MRPL30: variants seen among roughly 807,000 people sequenced by gnomAD.
MRPL30 encodes mitochondrial ribosomal protein L30, also known as large ribosomal subunit protein uL30m.
A neutral mutation model predicts 17.2 loss-of-function variants in MRPL30; 10 were observed. The observed-to-expected ratio is 0.58, with a 90% CI of 0.36 to 0.99. The LOEUF (loss-of-function observed/expected upper bound fraction) is 0.99. MRPL30 is among the 50% of genes least tolerant of loss of function. MRPL30 has a pLI of 0.01. For synonymous variants in MRPL30, 61 were observed against 62.1 expected, an observed-to-expected ratio of 0.98 and a Z score of 0.08; for missense variants, 170 against 189.8, an observed-to-expected ratio of 0.90 and a Z score of 0.61.
intron 2 of MRPL30, 56 bp from the exon 3 acceptor site, chr2:99,188,121 A>G: frequency 3.1e-6 from 4 of 1,305,660 alleles, no homozygotes; most frequent in South Asian, 2.8e-5. Flanking sequence ...ATTGGTGGGT[A>G]TGGATTTCTC....
At position 99,196,301 on chromosome 2, in the gene MRPL30, ATTGTTG is replaced by A; in HGVS notation, c.*605_*610del. On this transcript the variant is annotated 3_prime_UTR_variant, in exon 6 of 6. Transcript: ENST00000338148. ...ACCATTTTATAAAAATTGCGTTAGT[ATTGTTG>A]TTGTTGTTTTTGAGACAGGGTCTTG... 1 of 153,002 alleles carries A rather than the reference ATTGTTG, an allele frequency of 6.5e-6. No homozygotes were observed. The highest frequency in any genetic ancestry group is 6.6e-5 in the Admixed American group (1 of 15,256). The allele number at this position is 153,002 out of a possible 1,614,324, so 9.5% of individuals were successfully genotyped here.
At chr2:99,182,307 G>C (rs1002614799) in intron 1 of MRPL30, among the ~76,000 whole-genome samples, 2 of 152,222 alleles carry the variant, frequency 1.3e-5, no homozygotes, top group Non-Finnish European at 2.9e-5. Flanking sequence ...TGTAATCTCA[G>C]CACTTTCGGA....
intron 3 of MRPL30, among the ~76,000 whole-genome samples, chr2:99,188,922 C>T (rs1422425653): frequency 6.6e-6 from 1 of 152,128 alleles, no homozygotes; most frequent in Non-Finnish European, 1.5e-5. Flanking sequence ...GCTGGTCTTG[C>T]ACTACTGATC....
intron 1 of MRPL30, among the ~76,000 whole-genome samples, chr2:99,183,687 A>C (rs2093929545): frequency 6.6e-6 from 1 of 152,236 alleles, no homozygotes; most frequent in Non-Finnish European, 1.5e-5. Flanking sequence ...GAAGTTGTGA[A>C]GATGGTATGG....
In MRPL30 at chr2:99,194,915, T is replaced by A. The variant is rs1366079330; in HGVS notation, c.279+18T>A. The A allele has an allele frequency of 6.5e-7, 1 of 1,547,620 alleles. No individual in the cohort carries two copies. The highest frequency in any genetic ancestry group is 2.3e-5 in the East Asian group (1 of 43,786). ...TAGAAAAAGTATGCAATTATTTTAATCATCTTTAGTGTTGTTTACATTGCT... is the reference window on the plus strand; with the variant it reads ...TAGAAAAAGTATGCAATTATTTTAAACATCTTTAGTGTTGTTTACATTGCT... On this transcript the variant is annotated intron_variant, in intron 4 of 5. Coordinates refer to ENST00000338148, the MANE Select transcript of MRPL30 (RefSeq NM_145212.4).
chr2:99,193,964 G>A (rs1354270403), intron 3 of MRPL30, among the ~76,000 whole-genome samples: 1 of 151,832 alleles, frequency 6.6e-6, no homozygotes, highest in East Asian at 1.9e-4. Context: ...CTTGAACCTT[G>A]GGGGCAGAGG....
At chr2:99,189,609 TAGA>T (rs2093940825) in intron 3 of MRPL30, among the ~76,000 whole-genome samples, 1 of 152,250 alleles carries the variant, frequency 6.6e-6, no homozygotes, top group African/African-American at 2.4e-5. Context: ...CATTCATGTA[TAGA>T]TTTTTGTGTG....
chr2:99,187,124 C>T (rs1452339590), intron 2 of MRPL30: 2 of 152,214 alleles, frequency 1.3e-5, no homozygotes, highest in Admixed American at 6.5e-5. Flanking sequence ...GAGTAAGTGT[C>T]TCATGTCTCA....
chr2:99,187,037 A>G (rs1419606730), intron 2 of MRPL30: 1 of 152,182 alleles, frequency 6.6e-6, no homozygotes, highest in Non-Finnish European at 1.5e-5. Flanking sequence ...CTTTGTATAT[A>G]TTACCTTAAC....
In MRPL30 at chr2:99,198,874, G is replaced by A. The variant is rs755364773; in HGVS notation, c.*3169G>A. ...CAACCCAAACACTACCTTTAAGGAC[G>A]ACTGCAGTTCTCTTAGGGTCTCCTC... On this transcript the variant is annotated 3_prime_UTR_variant, in exon 6 of 6. Coordinates refer to ENST00000338148, the MANE Select transcript of MRPL30 (RefSeq NM_145212.4). Among the ~76,000 whole-genome samples the A allele has an allele frequency of 1.3e-5, 2 of 152,090 alleles. No individual in the cohort carries two copies. The highest frequency in any genetic ancestry group is 6.6e-5 in the Admixed American group (1 of 15,266).
chr2:99,181,281 C>T (rs942223962), intron 1 of MRPL30, 32 bp downstream of exon 1: 4 of 346,108 alleles, frequency 1.2e-5, no homozygotes, highest in Non-Finnish European at 2.1e-5. Flanking sequence ...GAGAGTGCGG[C>T]ATTCTTCGCA....
intron 3 of MRPL30, among the ~76,000 whole-genome samples, chr2:99,190,815 G>A (rs1464210502): frequency 6.6e-6 from 1 of 152,080 alleles, no homozygotes; most frequent in Non-Finnish European, 1.5e-5. Flanking sequence ...TTCATACCTA[G>A]GTGATGGGTT....
In MRPL30 at chr2:99,190,290, TG is replaced by T. The variant is rs1256378967; in HGVS notation, c.132+2035del. 2.0e-5 allele frequency among the ~76,000 whole-genome samples: 3 copies of T among 152,340 alleles called. No individual in the cohort carries two copies. In the East Asian group the frequency reaches 5.8e-4, roughly 29 times the overall value. Reference sequence around the variant, plus strand: ...TATCAGAAATCTCATCCAGGTACAATGGTTCACACCTGTATTCCTAGCATTT... The same window carrying T: ...TATCAGAAATCTCATCCAGGTACAATGTTCACACCTGTATTCCTAGCATTT... On this transcript the variant is annotated intron_variant, in intron 3 of 5. Transcript: ENST00000338148.
At position 99,197,888 on chromosome 2, in the gene MRPL30, C is replaced by G. The variant is rs185742971; in HGVS notation, c.*2183C>G. On this transcript the variant is annotated 3_prime_UTR_variant, in exon 6 of 6. Transcript: ENST00000338148. ...GGAGCTTCTAATCTCAAATGATTCT[C>G]CTGCCTCAGCCTCCCAAAGTGCTGG... Among the ~76,000 whole-genome samples the G allele has an allele frequency of 1.1e-4, 17 of 152,240 alleles. No homozygotes were observed. The highest frequency in any genetic ancestry group is 5.2e-4 in the Admixed American group (8 of 15,282).
chr2:99,194,514 A>C (rs554749123), intron 3 of MRPL30, among the ~76,000 whole-genome samples: 2 of 152,308 alleles, frequency 1.3e-5, no homozygotes, highest in Admixed American at 1.3e-4. Flanking sequence ...GATTCTCCTG[A>C]CATTTAAATT....
Position 99,199,073 on chromosome 2 carries a change from G to A in MRPL30, c.*3368G>A, listed in dbSNP as rs1027897478. On this transcript the variant is annotated 3_prime_UTR_variant, in exon 6 of 6. Transcript: ENST00000338148. The stretch of plus-strand genomic sequence containing the variant: ...TGACATGAACAAGATTGCTTCTTTG[G>A]GAGGTACCTTAAAATGAAAAGCAAA... Among the ~76,000 whole-genome samples, 9 of 152,076 alleles carry A rather than the reference G, an allele frequency of 5.9e-5. No individual in the cohort carries two copies. The highest frequency in any genetic ancestry group is 1.0e-4 in the Non-Finnish European group (7 of 68,014).
At chr2:99,184,083 G>GT (rs3070557) in intron 1 of MRPL30, among the ~76,000 whole-genome samples, 2 of 151,968 alleles carry the variant, frequency 1.3e-5, no homozygotes, top group Non-Finnish European at 2.9e-5. Flanking sequence ...TGAATTTAGG[G>GT]TTATTTATTT....
At chr2:99,184,699 A>T (rs781082600) in intron 1 of MRPL30, among the ~76,000 whole-genome samples, 1 of 152,204 alleles carries the variant, frequency 6.6e-6, no homozygotes, top group Non-Finnish European at 1.5e-5. Context: ...TTAAAGTGTG[A>T]AGCTAAGTAT....
chr2:99,187,363 A>G (rs1416483798), intron 2 of MRPL30, among the ~76,000 whole-genome samples: 1 of 152,220 alleles, frequency 6.6e-6, no homozygotes, highest in African/African-American at 2.4e-5. Flanking sequence ...AGGAGTGATG[A>G]CATTGTTAGA....
Sources: gnomAD v4.1 joint callset for allele counts (sites outside exome capture counted in the v4.1 genomes callset) on GRCh38, gnomAD v4.1.1 for gene constraint, MANE v1.5 for transcripts, NCBI Gene and HGNC (gene_info 2026-07-23, HGNC 2026-07-21) for gene names.